Variants in RXFP1 observed in about 807,000 individuals in gnomAD.
RXFP1 encodes the protein relaxin family peptide receptor 1.
RXFP1 carries 73 observed loss-of-function variants against 89.8 expected under a neutral mutation model. The observed-to-expected ratio is 0.81, with a 90% CI of 0.67 to 0.99. The LOEUF (loss-of-function observed/expected upper bound fraction) is 0.99, where lower values mean the gene tolerates loss of function less well. Ranked by LOEUF, RXFP1 falls within the 50% of genes least tolerant of loss-of-function variation. The pLI, the probability that RXFP1 is intolerant of heterozygous loss-of-function variation, is 0.00. For missense variants in RXFP1, 793 were observed against 895.5 expected (o/e 0.89, Z 1.46); for synonymous variants, 277 against 305.5 (o/e 0.91, Z 0.97).
chr4:158,632,215 A>G (rs1001892191), intron 11 of RXFP1, among the ~76,000 whole-genome samples: 2 of 152,248 alleles, frequency 1.3e-5, no homozygotes, highest in Admixed American at 1.3e-4. Context: ...AACTAACAGC[A>G]ATAGTCTCCA....
intron 9 of RXFP1, among the ~76,000 whole-genome samples, chr4:158,626,148 A>ATAGATGGATAGATAGATAGATAGT (rs1766747787): frequency 6.7e-6 from 1 of 149,644 alleles, no homozygotes; most frequent in Non-Finnish European, 1.5e-5. Context: ...AGATAGATAG[A>ATAGATGGATAGATAGATAGATAGT]TAGATAGATA....
At chr4:158,600,967 C>T (rs1033251129) in intron 4 of RXFP1, among the ~76,000 whole-genome samples, 7 of 152,008 alleles carry the variant, frequency 4.6e-5, no homozygotes, top group East Asian at 3.9e-4. Flanking sequence ...CATTTTCCCA[C>T]GAGTAAGATT....
rs555105394 is a variant in RXFP1, at chr4:158,536,501, G to A, written c.49+14476G>A. Among the ~76,000 whole-genome samples the A allele has an allele frequency of 1.2e-4, 19 of 152,254 alleles. 1 individual carries two copies. The South Asian group carries it at 2.7e-3, about 22-fold the overall frequency. On this transcript the variant is annotated intron_variant, in intron 1 of 17. Coordinates refer to ENST00000307765, the MANE Select transcript of RXFP1 (RefSeq NM_021634.4). ...TTTCCCTAAGAATTGCAGAACCATA[G>A]TCATGCTATCTAGAGAAATAGCTTG...
chr4:158,545,385 C>A (rs1254417774), intron 1 of RXFP1, among the ~76,000 whole-genome samples: 45 of 152,060 alleles, frequency 3.0e-4, no homozygotes, highest in Admixed American at 2.8e-3. Context: ...AAAATTTTCT[C>A]CCATTTTGTA....
intron 11 of RXFP1, among the ~76,000 whole-genome samples, chr4:158,629,875 T>C (rs963209159): frequency 6.6e-6 from 1 of 152,110 alleles, no homozygotes; most frequent in Non-Finnish European, 1.5e-5. Context: ...TCCTCCCGCC[T>C]CAGCTTCCCA....
intron 3 of RXFP1, among the ~76,000 whole-genome samples, chr4:158,595,550 C>T (rs1238764087): frequency 6.6e-6 from 1 of 152,028 alleles, no homozygotes; most frequent in Non-Finnish European, 1.5e-5. Flanking sequence ...GTAAGGATTG[C>T]CTATCTGTTG....
chr4:158,607,796 A>G (rs1022681380), intron 5 of RXFP1, among the ~76,000 whole-genome samples, 176 bp from the exon 6 acceptor site: 3 of 152,214 alleles, frequency 2.0e-5, no homozygotes, highest in African/African-American at 7.2e-5. Context: ...ATCGTCATCA[A>G]ATACACATAA....
At chr4:158,532,191 T>G (rs2149796971) in intron 1 of RXFP1, among the ~76,000 whole-genome samples, 1 of 150,618 alleles carries the variant, frequency 6.6e-6, no homozygotes, top group Middle Eastern at 3.4e-3. Flanking sequence ...ACATGTAGCG[T>G]TTGTTTTTCT....
At chr4:158,573,776 CA>C (rs997231343) in intron 2 of RXFP1, among the ~76,000 whole-genome samples, 10 of 152,166 alleles carry the variant, frequency 6.6e-5, no homozygotes, top group African/African-American at 2.4e-4. Context: ...TCAGTTTCCT[CA>C]TTTCATAAAA....
chr4:158,604,078 A>C, intron 4 of RXFP1, among the ~76,000 whole-genome samples: 1 of 152,044 alleles, frequency 6.6e-6, no homozygotes, highest in African/African-American at 2.4e-5. Context: ...GATTCCAAAA[A>C]TGTGTTCCAA....
intron 4 of RXFP1, among the ~76,000 whole-genome samples, chr4:158,601,258 G>T (rs1761637950): frequency 6.6e-6 from 1 of 152,076 alleles, no homozygotes; most frequent in Non-Finnish European, 1.5e-5. Flanking sequence ...GTAAATGATT[G>T]TCTGCAAGAA....
chr4:158,555,148 T>C (rs1421663449), intron 1 of RXFP1, among the ~76,000 whole-genome samples: 2 of 152,200 alleles, frequency 1.3e-5, no homozygotes, highest in East Asian at 3.8e-4. Flanking sequence ...ATGGGGGTTA[T>C]AATTTTACTG....
At position 158,644,909 on chromosome 4, in the gene RXFP1, A is replaced by T. The variant is rs1771217535; in HGVS notation, c.1116A>T (p.Ile372=). The T allele has an allele frequency of 6.2e-7, 1 of 1,605,622 alleles. No individual in the cohort carries two copies. Among genetic ancestry groups the T allele is most frequent in the African/African-American group, 1.3e-5 (1 of 74,748 alleles). ...ATTTTACTTTCTCTTTGTACACCAG[A>T]TATTTTAAGAAATTCCAGTACTGTG... The part of the protein sequence containing the change: ...MFRPLMNLSH[I]YFKKFQYCGY... The change falls in exon 15 of 18, where the codon ATA becomes ATT. Residue 372 remains isoleucine, a splice_region_variant and synonymous_variant. Coordinates refer to ENST00000307765, the MANE Select transcript of RXFP1 (RefSeq NM_021634.4).
At chr4:158,602,561 CA>C (rs11295662) in intron 4 of RXFP1, among the ~76,000 whole-genome samples, 47,279 of 143,318 alleles carry the variant, frequency 0.33, 13,484 homozygotes, top group African/African-American at 0.76. Context: ...TAAATAAATA[CA>C]AAAAAAAAAA....
intron 4 of RXFP1, among the ~76,000 whole-genome samples, chr4:158,602,782 C>G (rs1300482692): frequency 6.6e-6 from 1 of 151,898 alleles, no homozygotes; most frequent in East Asian, 1.9e-4. Flanking sequence ...GAGACAGAGT[C>G]TCACTCTGTC....
chr4:158,619,103 ACACG>A (rs1277436860), intron 9 of RXFP1, among the ~76,000 whole-genome samples: 1 of 152,170 alleles, frequency 6.6e-6, no homozygotes, highest in Non-Finnish European at 1.5e-5. Flanking sequence ...ACACACACAC[ACACG>A]CATACACACA....
At chr4:158,562,519 G>A (rs1330405338) in intron 1 of RXFP1, among the ~76,000 whole-genome samples, 3 of 8,422 alleles carry the variant, frequency 3.6e-4, no homozygotes, top group East Asian at 0.056. Context: ...GCGAGACTCC[G>A]TCTCAAAAAA....
At chr4:158,617,751 T>C (rs1341874512) in intron 9 of RXFP1, among the ~76,000 whole-genome samples, 1 of 151,680 alleles carries the variant, frequency 6.6e-6, no homozygotes, top group African/African-American at 2.4e-5. Context: ...AAGTGAAAAA[T>C]AAAAGAAAGA....
intron 1 of RXFP1, among the ~76,000 whole-genome samples, chr4:158,527,564 A>AAAAAAATATATATATAT (rs5741905): frequency 9.2e-5 from 9 of 98,338 alleles, no homozygotes; most frequent in African/African-American, 1.4e-4. Context: ...AAAAAAAAAA[A>AAAAAAATATATATATAT]ATATATATAT....
Sources: gnomAD v4.1 joint callset for allele counts (sites outside exome capture counted in the v4.1 genomes callset) on GRCh38, gnomAD v4.1.1 for gene constraint, MANE v1.5 for transcripts, NCBI Gene and HGNC (gene_info 2026-07-23, HGNC 2026-07-21) for gene names.